The following ZNF385D variants were observed in gnomAD, a reference collection of about 807,000 sequenced individuals.
ZNF385D encodes zinc finger protein 659.
Under a neutral mutation model 35.8 loss-of-function variants are expected in ZNF385D, and 15 were observed. The ratio of observed to expected loss-of-function variants is 0.42; its 90% CI spans 0.28 to 0.64. The LOEUF (loss-of-function observed/expected upper bound fraction) is 0.64. Among genes scored for constraint, ZNF385D ranks in the 30% least tolerant of loss-of-function variants. The pLI, the probability that ZNF385D is intolerant of heterozygous loss-of-function variation, is 0.23. For missense variants in ZNF385D, 474 were observed against 494.6 expected (o/e 0.96, Z 0.39); for synonymous variants, 212 against 186.8 (o/e 1.13, Z -1.10).
chr3:21,893,896 C>A (rs185833657), intron 3 of ZNF385D, among the ~76,000 whole-genome samples: 1 of 151,992 alleles, frequency 6.6e-6, no homozygotes. Flanking sequence ...ATCTTGCAAA[C>A]GGAAAATTAT....
intron 3 of ZNF385D, among the ~76,000 whole-genome samples, chr3:21,923,572 G>T (rs1006849920): frequency 2.6e-5 from 4 of 152,084 alleles, no homozygotes; most frequent in Admixed American, 2.6e-4. Flanking sequence ...GTTCCTCATG[G>T]CACTATTTAC....
chr3:21,708,126 T>C (rs757592314), intron 1 of ZNF385D, among the ~76,000 whole-genome samples: 13 of 152,210 alleles, frequency 8.5e-5, no homozygotes, highest in Non-Finnish European at 1.8e-4. Context: ...GTTCTAATAT[T>C]AGGTCAAAGA....
rs571247795 is a variant in ZNF385D, at chr3:22,139,444, G to A, written c.325+29373C>T. On this transcript the variant is annotated intron_variant, in intron 3 of 5. Coordinates refer to the ZNF385D transcript ENST00000494108. The stretch of plus-strand genomic sequence containing the variant: ...GGAATACTATGCAGCCATAAAAAAC[G>A]ATGAGTTCATGTCCTTTGTAGGGAC... 4.6e-5 allele frequency among the ~76,000 whole-genome samples: 7 copies of A among 152,110 alleles called. No individual in the cohort carries two copies. In the East Asian group the frequency reaches 5.8e-4, roughly 13 times the overall value.
At chr3:21,506,087 T>C (rs772127649) in intron 4 of ZNF385D, among the ~76,000 whole-genome samples, 1 of 152,168 alleles carries the variant, frequency 6.6e-6, no homozygotes, top group Non-Finnish European at 1.5e-5. Context: ...AAGTTAACAA[T>C]AGAATGTTAT....
At chr3:21,706,380 T>C (rs1427273979) in intron 1 of ZNF385D, among the ~76,000 whole-genome samples, 1 of 152,082 alleles carries the variant, frequency 6.6e-6, no homozygotes, top group Non-Finnish European at 1.5e-5. Context: ...CTGGGATCAA[T>C]GAAGAACCAT....
At chr3:22,342,417 T>C (rs1360359536) in intron 2 of ZNF385D, among the ~76,000 whole-genome samples, 2 of 152,144 alleles carry the variant, frequency 1.3e-5, no homozygotes, top group African/African-American at 4.8e-5. Context: ...TTCTGCTAAT[T>C]ATTTACTTGT....
intron 3 of ZNF385D, among the ~76,000 whole-genome samples, chr3:21,768,617 A>G (rs2070936919): frequency 6.6e-6 from 1 of 152,028 alleles, no homozygotes; most frequent in Admixed American, 6.6e-5. Flanking sequence ...TAAATTGCAC[A>G]TAGCTCATAG....
chr3:21,454,801 C>G (rs972314578), intron 4 of ZNF385D, among the ~76,000 whole-genome samples: 1 of 152,110 alleles, frequency 6.6e-6, no homozygotes, highest in Non-Finnish European at 1.5e-5. Context: ...GTCAAATTGT[C>G]CCTGTTTGCA....
chr3:22,044,591 T>C lies in ZNF385D; in HGVS notation c.325+124226A>G, dbSNP rs150442045. On this transcript the variant is annotated intron_variant, in intron 3 of 5. Coordinates refer to the ZNF385D transcript ENST00000494108. ...TTTTGGAGAAGGGAGAATTTTATTA[T>C]GTAGGGAAGGTGGTGATGAATTTTG... 6.1e-3 allele frequency among the ~76,000 whole-genome samples: 931 copies of C among 152,228 alleles called. 11 individuals are homozygous for C. Among genetic ancestry groups the C allele is most frequent in the African/African-American group, 0.021 (887 of 41,560 alleles).
intron 3 of ZNF385D, among the ~76,000 whole-genome samples, chr3:22,007,126 C>T (rs12495055): frequency 0.16 from 24,964 of 152,088 alleles, 2,199 homozygotes; most frequent in Non-Finnish European, 0.19. Context: ...AAAGTATTCT[C>T]AGAGAAGTTT....
chr3:22,354,049 G>C (rs1185888116), intron 2 of ZNF385D, among the ~76,000 whole-genome samples: 1 of 151,626 alleles, frequency 6.6e-6, no homozygotes, highest in Admixed American at 6.6e-5. Context: ...TTTTTGGTTG[G>C]CCAGACCATA....
chr3:22,142,902 C>A (rs1704603490), intron 3 of ZNF385D, among the ~76,000 whole-genome samples: 1 of 152,128 alleles, frequency 6.6e-6, no homozygotes, highest in African/African-American at 2.4e-5. Flanking sequence ...GCAATAGTAA[C>A]CCTCACTATT....
chr3:22,174,422 T>C (rs1385803074), intron 2 of ZNF385D, among the ~76,000 whole-genome samples: 6 of 152,292 alleles, frequency 3.9e-5, no homozygotes, highest in South Asian at 4.1e-4. Context: ...GACAGTTTAG[T>C]GCACAATAAA....
chr3:22,152,135 A>T (rs569590828), intron 3 of ZNF385D, among the ~76,000 whole-genome samples: 1 of 152,262 alleles, frequency 6.6e-6, no homozygotes, highest in Non-Finnish European at 1.5e-5. Context: ...TTAGTATGCT[A>T]TGAATGATGA....
intron 3 of ZNF385D, among the ~76,000 whole-genome samples, chr3:21,953,794 T>C (rs975745490): frequency 4.6e-5 from 7 of 152,014 alleles, no homozygotes; most frequent in African/African-American, 1.4e-4. Context: ...AAGATACCAC[T>C]GTAGTGTTTG....
intron 2 of ZNF385D, among the ~76,000 whole-genome samples, chr3:21,612,797 G>T (rs1198983835): frequency 6.6e-6 from 1 of 152,008 alleles, no homozygotes; most frequent in Non-Finnish European, 1.5e-5. Context: ...TTTCATAAAA[G>T]GTGACACTTA....
At chr3:21,447,612 G>T (rs966504282) in intron 4 of ZNF385D, among the ~76,000 whole-genome samples, 2 of 152,146 alleles carry the variant, frequency 1.3e-5, no homozygotes, top group Non-Finnish European at 2.9e-5. Flanking sequence ...TAAAAGTAAG[G>T]GTTTGTCATG....
chr3:21,616,145 G>T (rs1009876282), intron 2 of ZNF385D, among the ~76,000 whole-genome samples: 2 of 151,904 alleles, frequency 1.3e-5, no homozygotes, highest in Admixed American at 1.3e-4. Context: ...CAAAATAAAA[G>T]AATTAAAAAT....
chr3:21,552,492 GT>G (rs1359723118), intron 3 of ZNF385D, among the ~76,000 whole-genome samples: 1 of 152,086 alleles, frequency 6.6e-6, no homozygotes, highest in Non-Finnish European at 1.5e-5. Context: ...TGATTGTTTG[GT>G]TTGTAAAACA....
Sources: allele counts gnomAD v4.1 joint callset (sites outside exome capture counted in the v4.1 genomes callset), GRCh38; gene constraint gnomAD v4.1.1; transcripts MANE v1.5; gene names NCBI Gene and HGNC (gene_info 2026-07-23, HGNC 2026-07-21).